NXNL2: variants seen among roughly 807,000 people sequenced by gnomAD.
NXNL2 encodes nucleoredoxin like 2, also known as nucleoredoxin-like protein 2.
A neutral mutation model predicts 11.1 loss-of-function variants in NXNL2; 7 were observed. The ratio of observed to expected loss-of-function variants is 0.63; its 90% confidence interval spans 0.36 to 1.18. The LOEUF is 1.18. NXNL2 is among the 50% of genes most tolerant of loss of function. NXNL2 has a pLI of 0.02. For synonymous variants in NXNL2, 109 were observed against 101.8 expected (o/e 1.07, Z -0.42); for missense variants, 233 against 217.7 (o/e 1.07, Z -0.44).
chr9:88,552,164 C>A (rs373692737), intron 1 of NXNL2, among the ~76,000 whole-genome samples: 198 of 152,304 alleles, frequency 1.3e-3, no homozygotes, highest in Non-Finnish European at 2.0e-3. Flanking sequence ...TGGCCCAGAT[C>A]ACGCTTGTGT....
intron 1 of NXNL2, among the ~76,000 whole-genome samples, chr9:88,557,665 T>G (rs568554088): frequency 6.6e-6 from 1 of 152,218 alleles, no homozygotes; most frequent in Non-Finnish European, 1.5e-5. Flanking sequence ...GAGCGCTGAC[T>G]GGCAACCTTG....
At chr9:88,566,457 C>T (rs1291521944) in intron 1 of NXNL2, among the ~76,000 whole-genome samples, 1 of 152,090 alleles carries the variant, frequency 6.6e-6, no homozygotes, top group African/African-American at 2.4e-5. Context: ...CACGCACCAC[C>T]ACACCTGGCT....
intron 1 of NXNL2, among the ~76,000 whole-genome samples, chr9:88,561,560 C>T (rs1830086046): frequency 6.6e-6 from 1 of 152,024 alleles, no homozygotes; most frequent in South Asian, 2.1e-4. Flanking sequence ...GACAATGACA[C>T]ACACAAACCA....
chr9:88,574,694 A>C (rs141010811), intron 2 of NXNL2, among the ~76,000 whole-genome samples: 3 of 152,330 alleles, frequency 2.0e-5, no homozygotes, highest in Non-Finnish European at 4.4e-5. Context: ...ACTTCCTTAT[A>C]CAGCATATTT....
At position 88,553,237 on chromosome 9, in the gene NXNL2, T is replaced by C. The variant is rs549892761; in HGVS notation, c.302+17501T>C. On this transcript the variant is annotated intron_variant, in intron 1 of 2. Coordinates refer to the NXNL2 transcript ENST00000375855. The stretch of plus-strand genomic sequence containing the variant: ...GATGTGCGCCTGTAATCCCAGCTAC[T>C]CAGGAGGCTGAGGCAGGAGAATTGA... Among the ~76,000 whole-genome samples the C allele has an allele frequency of 1.4e-3, 217 of 152,258 alleles. 1 individual carries two copies. Among genetic ancestry groups the C allele is most frequent in the Middle Eastern group, 0.014 (4 of 294 alleles).
At chr9:88,567,015 T>TCTATCTATCTAC (rs1437851448) in intron 1 of NXNL2, among the ~76,000 whole-genome samples, 1 of 138,688 alleles carries the variant, frequency 7.2e-6, no homozygotes, top group Non-Finnish European at 1.5e-5. Context: ...TATCTATCTA[T>TCTATCTATCTAC]CTATCATCTA....
intron 1 of NXNL2, among the ~76,000 whole-genome samples, chr9:88,566,174 T>G (rs911654817): frequency 6.6e-6 from 1 of 152,220 alleles, no homozygotes; most frequent in Non-Finnish European, 1.5e-5. Context: ...TTTGCTGTGT[T>G]GAAGCTTTTT....
chr9:88,544,172 A>AAAAAAG (rs754295788), intron 1 of NXNL2, among the ~76,000 whole-genome samples: 37 of 152,170 alleles, frequency 2.4e-4, no homozygotes, highest in Admixed American at 9.8e-4. Flanking sequence ...ACTCCATCTC[A>AAAAAAG]AAAAAGAAAA....
intron 1 of NXNL2, among the ~76,000 whole-genome samples, chr9:88,551,541 A>G (rs965083342): frequency 9.2e-5 from 14 of 151,710 alleles, no homozygotes; most frequent in Admixed American, 7.2e-4. Context: ...ATTCTGTTCT[A>G]GTTCCATGAA....
chr9:88,554,304 C>A (rs750696178), intron 1 of NXNL2, among the ~76,000 whole-genome samples: 2 of 152,206 alleles, frequency 1.3e-5, no homozygotes, highest in African/African-American at 2.4e-5. Flanking sequence ...CTCCCACGTT[C>A]AAGTGATTCT....
chr9:88,558,092 G>A lies in NXNL2; in HGVS notation c.303-12995G>A, dbSNP rs374559183. ...GTCAATGAAATGACTGCTGGTTGGG[G>A]GCCCCTGAATAGCCTCAGGATGGGG... On this transcript the variant is annotated intron_variant, in intron 1 of 2. Coordinates refer to the NXNL2 transcript ENST00000375855. Among the ~76,000 whole-genome samples, 12 of 152,290 alleles carry A rather than the reference G, an allele frequency of 7.9e-5. No homozygotes were observed. The East Asian group carries it at 2.1e-3, about 27-fold the overall frequency.
downstream of NXNL2, among the ~76,000 whole-genome samples, chr9:88,577,053 G>A (rs1056510031): frequency 6.6e-6 from 1 of 152,116 alleles, no homozygotes; most frequent in Non-Finnish European, 1.5e-5. Flanking sequence ...GGGTCCTTGC[G>A]AGGTGTCCTG....
At chr9:88,566,327 G>T (rs1189320139) in intron 1 of NXNL2, among the ~76,000 whole-genome samples, 1 of 151,378 alleles carries the variant, frequency 6.6e-6, no homozygotes, top group Non-Finnish European at 1.5e-5. Context: ...TGGAGTCTTG[G>T]TCTGTTACTC....
chr9:88,535,860 G>A (rs13301050), intron 1 of NXNL2, 124 bp downstream of exon 1: 50,518 of 736,910 alleles, frequency 0.069, 1,997 homozygotes, highest in Admixed American at 0.093. Flanking sequence ...CCGTCTCTCG[G>A]TTCACGTCCG....
At chr9:88,554,371 A>AT (rs762071635) in intron 1 of NXNL2, among the ~76,000 whole-genome samples, 3 of 151,960 alleles carry the variant, frequency 2.0e-5, no homozygotes, top group Non-Finnish European at 4.4e-5. Context: ...ACAGCAGCTA[A>AT]TTTTTGTCTT....
chr9:88,548,679 T>C (rs1057413146), downstream of NXNL2, among the ~76,000 whole-genome samples: 16 of 118,538 alleles, frequency 1.3e-4, no homozygotes, highest in Non-Finnish European at 2.0e-4. Flanking sequence ...CAAGACTCTG[T>C]CTCAAAAAAA....
At chr9:88,580,153 CTTTTT>C (rs756690090), downstream of NXNL2, among the ~76,000 whole-genome samples, 1 of 127,772 alleles carries the variant, frequency 7.8e-6, no homozygotes, top group Non-Finnish European at 1.7e-5. Flanking sequence ...AAAAAAAATT[CTTTTT>C]TTTTTTTTTT....
chr9:88,574,888 G>A (rs1434429991), intron 2 of NXNL2, among the ~76,000 whole-genome samples: 1 of 152,190 alleles, frequency 6.6e-6, no homozygotes, highest in Non-Finnish European at 1.5e-5. Context: ...GTTTGCAGAT[G>A]TAGGGCCTGT....
At chr9:88,540,327 A>G (rs1016438841) in intron 1 of NXNL2, among the ~76,000 whole-genome samples, 24 of 147,344 alleles carry the variant, frequency 1.6e-4, no homozygotes, top group African/African-American at 6.4e-4. Context: ...GCGAGACTCC[A>G]TCTTAAAAAA....
Sources: allele counts gnomAD v4.1 joint callset (sites outside exome capture counted in the v4.1 genomes callset), GRCh38; gene constraint gnomAD v4.1.1; transcripts MANE v1.5; gene names NCBI Gene and HGNC (gene_info 2026-07-23, HGNC 2026-07-21).